SLCO1A2: variants seen among roughly 807,000 people sequenced by gnomAD.
The protein encoded by SLCO1A2 is solute carrier organic anion transporter family member 1A2, also known as OATP-1.
Under a neutral mutation model 69.0 loss-of-function variants are expected in SLCO1A2, and 67 were observed. The observed-to-expected ratio is 0.97, with a 90% CI of 0.80 to 1.19. SLCO1A2 has a LOEUF of 1.19. Ranked by LOEUF, SLCO1A2 falls within the 50% of genes most tolerant of loss-of-function variation. The pLI is 0.00. For missense variants in SLCO1A2, 787 were observed against 793.7 expected, an observed-to-expected ratio of 0.99 and a Z score of 0.10; for synonymous variants, 260 against 265.9, an observed-to-expected ratio of 0.98 and a Z score of 0.22.
chr12:21,389,401 A>G (rs549523220), intron 1 of SLCO1A2, among the ~76,000 whole-genome samples: 2 of 152,208 alleles, frequency 1.3e-5, no homozygotes, highest in South Asian at 4.1e-4. Context: ...TGTTATGCAG[A>G]TAAGACATAT....
intron 4 of SLCO1A2, among the ~76,000 whole-genome samples, chr12:21,314,344 T>C (rs2306226): frequency 0.038 from 5,840 of 152,232 alleles, 452 homozygotes; most frequent in East Asian, 0.34. Flanking sequence ...AAATCCCCAT[T>C]GTGTAAATTG....
intron 2 of SLCO1A2, among the ~76,000 whole-genome samples, chr12:21,364,336 A>G (rs552720053): frequency 6.6e-6 from 1 of 152,362 alleles, no homozygotes; most frequent in Non-Finnish European, 1.5e-5. Context: ...GGCCTTTGAC[A>G]AAATTTAACA....
intron 11 of SLCO1A2, 126 bp downstream of exon 11, chr12:21,293,819 C>T (rs1947289721): frequency 1.5e-6 from 1 of 689,200 alleles, no homozygotes. Flanking sequence ...GTTATTTTTC[C>T]ACATACAAAA....
upstream of SLCO1A2, among the ~76,000 whole-genome samples, chr12:21,418,799 A>G (rs959471964): frequency 1.3e-5 from 2 of 152,154 alleles, no homozygotes; most frequent in African/African-American, 4.8e-5. Flanking sequence ...GGGGGTTTCT[A>G]CTATTAGTAG....
intron 1 of SLCO1A2, among the ~76,000 whole-genome samples, chr12:21,416,665 T>A (rs937971481): frequency 6.6e-6 from 1 of 152,026 alleles, no homozygotes. Flanking sequence ...TAAAGGGCAC[T>A]GACTATTCAC....
chr12:21,354,813 A>G (rs1591873827), intron 2 of SLCO1A2: 1 of 152,120 alleles, frequency 6.6e-6, no homozygotes, highest in Admixed American at 6.6e-5. Flanking sequence ...ATATCTCCCA[A>G]TAAGTCATCT....
At chr12:21,399,113 T>C (rs1371842647), upstream of SLCO1A2, among the ~76,000 whole-genome samples, 6 of 147,958 alleles carry the variant, frequency 4.1e-5, no homozygotes, top group African/African-American at 7.5e-5. Flanking sequence ...CATGATTGTA[T>C]ATCTAGAAAA....
intron 2 of SLCO1A2, among the ~76,000 whole-genome samples, chr12:21,370,621 G>T (rs1939713855): frequency 6.6e-6 from 1 of 151,774 alleles, no homozygotes; most frequent in African/African-American, 2.4e-5. Context: ...GGTAAGAGAG[G>T]ATCCATTTTG....
intron 1 of SLCO1A2, among the ~76,000 whole-genome samples, chr12:21,415,436 T>G (rs1008944416): frequency 6.6e-6 from 1 of 152,136 alleles, no homozygotes; most frequent in African/African-American, 2.4e-5. Context: ...CCTTTTTATT[T>G]AAGTATTTTA....
At chr12:21,316,836 C>T (rs1340429811) in intron 3 of SLCO1A2, among the ~76,000 whole-genome samples, 1 of 152,188 alleles carries the variant, frequency 6.6e-6, no homozygotes, top group Non-Finnish European at 1.5e-5. Flanking sequence ...GTGCTTCAGA[C>T]TCACATGACT....
intron 1 of SLCO1A2, chr12:21,378,718 A>G (rs1940389224): frequency 3.5e-6 from 1 of 289,580 alleles, no homozygotes; most frequent in African/African-American, 2.1e-5. Flanking sequence ...ACGAAGGAGA[A>G]AAAGGTAGTT....
At chr12:21,402,255 T>C (rs1463749118) in intron 1 of SLCO1A2, among the ~76,000 whole-genome samples, 3 of 151,698 alleles carry the variant, frequency 2.0e-5, no homozygotes, top group Non-Finnish European at 2.9e-5. Flanking sequence ...ATAGAGAACA[T>C]GTTTGAAACG....
chr12:21,299,791 C>CACACACGTATATATAT (rs1565482254), intron 8 of SLCO1A2, among the ~76,000 whole-genome samples: 2 of 127,330 alleles, frequency 1.6e-5, no homozygotes, highest in African/African-American at 2.9e-5. Flanking sequence ...TATATATATA[C>CACACACGTATATATAT]ACACACACGT....
intron 10 of SLCO1A2, chr12:21,295,074 C>T (rs1035795217): frequency 6.6e-6 from 1 of 151,862 alleles, no homozygotes; most frequent in Non-Finnish European, 1.5e-5. Context: ...CTTTAAAATA[C>T]AAAATATGAA....
intron 2 of SLCO1A2, among the ~76,000 whole-genome samples, chr12:21,330,065 A>G (rs1057456516): frequency 6.6e-6 from 1 of 152,106 alleles, no homozygotes; most frequent in Non-Finnish European, 1.5e-5. Flanking sequence ...GGTCTTTAAT[A>G]TAATTTGGTA....
intron 2 of SLCO1A2, among the ~76,000 whole-genome samples, chr12:21,343,177 T>C (rs1953131710): frequency 6.6e-6 from 1 of 152,122 alleles, no homozygotes; most frequent in African/African-American, 2.4e-5. Flanking sequence ...GATACAAACT[T>C]GTCATGCCAT....
chr12:21,319,969 A>G (rs576827442), intron 2 of SLCO1A2, among the ~76,000 whole-genome samples: 1 of 152,328 alleles, frequency 6.6e-6, no homozygotes, highest in East Asian at 1.9e-4. Context: ...ATAGTTAGGT[A>G]GATTAATTAC....
chr12:21,288,562 G>A (rs548806676), intron 12 of SLCO1A2, among the ~76,000 whole-genome samples: 5 of 152,142 alleles, frequency 3.3e-5, no homozygotes, highest in South Asian at 2.1e-4. Context: ...TAATAGGTAC[G>A]AAAAAATGGA....
chr12:21,273,173 C>G (rs750366239), intron 14 of SLCO1A2, among the ~76,000 whole-genome samples: 1 of 152,074 alleles, frequency 6.6e-6, no homozygotes, highest in African/African-American at 2.4e-5. Flanking sequence ...GTTAGAAAGT[C>G]CTGAGTTTAG....
Sources: allele counts gnomAD v4.1 joint callset (sites outside exome capture counted in the v4.1 genomes callset), GRCh38; gene constraint gnomAD v4.1.1; transcripts MANE v1.5; gene names NCBI Gene and HGNC (gene_info 2026-07-23, HGNC 2026-07-21).